The following DENND2A variants were observed in gnomAD, a reference collection of about 807,000 sequenced individuals.
DENND2A encodes DENN domain-containing protein 2A.
In DENND2A, 53 loss-of-function variants were observed where a neutral mutation model predicts 105.3. That is an observed-to-expected ratio of 0.50 (90% CI 0.40 to 0.63). The LOEUF (loss-of-function observed/expected upper bound fraction) is 0.63, where lower values mean the gene tolerates loss of function less well. Ranked by LOEUF, DENND2A falls within the 30% of genes least tolerant of loss-of-function variation. The pLI, the probability that DENND2A is intolerant of heterozygous loss-of-function variation, is 0.00. For missense variants in DENND2A, 1,138 were observed against 1,279.6 expected, an observed-to-expected ratio of 0.89 and a Z score of 1.69; for synonymous variants, 522 against 508.4, an observed-to-expected ratio of 1.03 and a Z score of -0.36.
chr7:140,615,569 G>T (rs931661403), intron 1 of DENND2A, among the ~76,000 whole-genome samples: 123 of 147,324 alleles, frequency 8.3e-4, no homozygotes, highest in Admixed American at 3.4e-3. Context: ...ACGGAGCCTC[G>T]CTCTGTCGCC....
At chr7:140,596,795 G>T (rs1033998621) in intron 3 of DENND2A, among the ~76,000 whole-genome samples, 1 of 152,218 alleles carries the variant, frequency 6.6e-6, no homozygotes, top group Non-Finnish European at 1.5e-5. Flanking sequence ...GACATTTTGA[G>T]TATGTAGATA....
intron 9 of DENND2A, among the ~76,000 whole-genome samples, chr7:140,562,092 G>C (rs1797640122): frequency 6.6e-6 from 1 of 151,838 alleles, no homozygotes; most frequent in Non-Finnish European, 1.5e-5. Context: ...GCTTCACCAT[G>C]TTGGCCAGGC....
At chr7:140,576,230 A>T (rs1342515645) in intron 5 of DENND2A, among the ~76,000 whole-genome samples, 1 of 151,720 alleles carries the variant, frequency 6.6e-6, no homozygotes, top group African/African-American at 2.4e-5. Flanking sequence ...TTCCCATGTG[A>T]TTTACTTGTA....
chr7:140,588,142 C>T (rs1019330696), intron 3 of DENND2A, among the ~76,000 whole-genome samples: 28 of 152,248 alleles, frequency 1.8e-4, no homozygotes, highest in African/African-American at 6.5e-4. Context: ...AACTCCTGAC[C>T]TCAGGTGATC....
intron 14 of DENND2A, among the ~76,000 whole-genome samples, chr7:140,536,215 C>T (rs1011296864): frequency 6.6e-6 from 1 of 152,028 alleles, no homozygotes; most frequent in South Asian, 2.1e-4. Context: ...ATTAGCCAGC[C>T]GTGGTGGCAC....
At position 140,521,917 on chromosome 7, in the gene DENND2A, A is replaced by C; in HGVS notation, c.2849T>G (p.Met950Arg). 6.2e-7 allele frequency: 1 copy of C among 1,614,208 alleles called. No individual in the cohort carries two copies. Reference sequence around the variant, plus strand: ...GAAGCCCCGAAACATCTGAGTCTCCATGAAGACCTCCAGGAAGTGGCGGAG... The same window carrying C: ...GAAGCCCCGAAACATCTGAGTCTCCCTGAAGACCTCCAGGAAGTGGCGGAG... ...KSLRHFLEVF[M>R]ETQMFRGFIQ... The change falls in exon 18 of 20, where the codon ATG becomes AGG. Residue 950 changes from methionine (M) to arginine (R), a missense_variant. Physicochemically the swap from Met to Arg is moderately conservative, Grantham distance 91. Coordinates refer to ENST00000496613, the MANE Select transcript of DENND2A (RefSeq NM_015689.5).
At chr7:140,633,981 C>T (rs766648055) in intron 1 of DENND2A, among the ~76,000 whole-genome samples, 2 of 151,536 alleles carry the variant, frequency 1.3e-5, no homozygotes, top group African/African-American at 2.4e-5. Context: ...AATGGAATTG[C>T]GAGATTAAAA....
intron 9 of DENND2A, among the ~76,000 whole-genome samples, chr7:140,565,802 G>A (rs1037161956): frequency 6.6e-6 from 1 of 152,084 alleles, no homozygotes; most frequent in Admixed American, 6.6e-5. Context: ...TAAAGACCTT[G>A]CTGATAAAAC....
intron 1 of DENND2A, among the ~76,000 whole-genome samples, chr7:140,622,375 G>A (rs567626143): frequency 1.3e-5 from 2 of 151,304 alleles, no homozygotes; most frequent in African/African-American, 2.4e-5. Flanking sequence ...CAGCCTGGGC[G>A]ACAGAGCAAG....
chr7:140,617,976 T>C (rs1207974079), intron 1 of DENND2A, among the ~76,000 whole-genome samples: 1 of 152,202 alleles, frequency 6.6e-6, no homozygotes, highest in African/African-American at 2.4e-5. Context: ...AGAAACACAC[T>C]TTGGACTTGA....
chr7:140,611,402 G>A (rs1799891829), intron 1 of DENND2A, among the ~76,000 whole-genome samples: 1 of 152,096 alleles, frequency 6.6e-6, no homozygotes, highest in African/African-American at 2.4e-5. Context: ...GGCCAGGTGT[G>A]GTGGTGCACA....
intron 1 of DENND2A, among the ~76,000 whole-genome samples, chr7:140,621,206 T>TTG (rs1563183045): frequency 8.3e-4 from 126 of 152,066 alleles, no homozygotes; most frequent in African/African-American, 3.0e-3. Flanking sequence ...TTAAAAAATT[T>TTG]TTTTTTTTTG....
At chr7:140,620,352 G>T (rs1009232901) in intron 1 of DENND2A, among the ~76,000 whole-genome samples, 5 of 121,130 alleles carry the variant, frequency 4.1e-5, no homozygotes, top group Admixed American at 9.9e-5. Flanking sequence ...AAAGGGGTGG[G>T]GGGGGGGAGG....
rs765879366 is a variant in DENND2A, at chr7:140,527,301, G to A, written c.2505+17C>T. 1 of 1,564,042 alleles carries A rather than the reference G, an allele frequency of 6.4e-7. No homozygotes were observed. The highest frequency in any genetic ancestry group is 8.7e-7 in the Non-Finnish European group (1 of 1,155,238). ...CGCACCCTGCAGGGAGGGGGACAGG[G>A]CTGAGTGGGAGCTCACCTCTTCCAG... On this transcript the variant is annotated intron_variant, in intron 15 of 19. Coordinates refer to ENST00000496613, the MANE Select transcript of DENND2A (RefSeq NM_015689.5). This position sits in a 1 kb window ranked among gnomAD's most constrained non-coding sequence, Gnocchi z 4.9.
intron 1 of DENND2A, among the ~76,000 whole-genome samples, chr7:140,635,641 C>T (rs1438875496): frequency 6.6e-6 from 1 of 152,180 alleles, no homozygotes; most frequent in Non-Finnish European, 1.5e-5. Context: ...GCAAGGGTGA[C>T]CCACCCCTTC....
chr7:140,580,330 T>C (rs62485838), intron 5 of DENND2A, among the ~76,000 whole-genome samples: 1 of 90,194 alleles, frequency 1.1e-5, no homozygotes, highest in African/African-American at 4.1e-5. Context: ...TGCATGTATG[T>C]ATGTATTTAT....
chr7:140,593,645 A>G (rs1585714980), intron 3 of DENND2A, among the ~76,000 whole-genome samples: 1 of 152,088 alleles, frequency 6.6e-6, no homozygotes, highest in African/African-American at 2.4e-5. Flanking sequence ...TTGCCATCCA[A>G]AGGTTTAGGT....
chr7:140,635,681 A>T (rs1452071594), intron 1 of DENND2A, among the ~76,000 whole-genome samples: 1 of 152,082 alleles, frequency 6.6e-6, no homozygotes, highest in Non-Finnish European at 1.5e-5. Context: ...AAAAACGATC[A>T]CTTGGTTTCC....
At chr7:140,578,895 A>G (rs1334215352) in intron 5 of DENND2A, among the ~76,000 whole-genome samples, 1 of 152,204 alleles carries the variant, frequency 6.6e-6, no homozygotes, top group Non-Finnish European at 1.5e-5. Flanking sequence ...TAAAAATAGA[A>G]AGGCTTACAA....
Sources: allele counts gnomAD v4.1 joint callset (sites outside exome capture counted in the v4.1 genomes callset), GRCh38; gene constraint gnomAD v4.1.1; non-coding constraint Gnocchi (gnomAD v3.1); transcripts MANE v1.5; gene names NCBI Gene and HGNC (gene_info 2026-07-23, HGNC 2026-07-21).